Variants in AGO2 observed in about 807,000 individuals in gnomAD.
AGO2 encodes protein argonaute-2.
A neutral mutation model predicts 102.3 loss-of-function variants in AGO2; 5 were observed. The observed-to-expected ratio is 0.05, with a 90% CI of 0.03 to 0.10. AGO2 has a LOEUF of 0.10. Ranked by LOEUF, AGO2 falls within the 10% of genes least tolerant of loss-of-function variation. The pLI, the probability that AGO2 is intolerant of heterozygous loss-of-function variation, is 1.00. For missense variants in AGO2, 541 were observed against 1,183.7 expected, an observed-to-expected ratio of 0.46 and a Z score of 7.97; for synonymous variants, 449 against 473.1, an observed-to-expected ratio of 0.95 and a Z score of 0.66.
At chr8:140,573,655 G>A (rs1481976011) in intron 2 of AGO2, among the ~76,000 whole-genome samples, 1 of 152,220 alleles carries the variant, frequency 6.6e-6, no homozygotes, top group Non-Finnish European at 1.5e-5. Context: ...TACAGCAGAT[G>A]ACAGACACTT....
intron 1 of AGO2, among the ~76,000 whole-genome samples, chr8:140,603,983 G>A (rs552653452): frequency 6.6e-6 from 1 of 152,230 alleles, no homozygotes; most frequent in Non-Finnish European, 1.5e-5. Flanking sequence ...CCCTCAGGGT[G>A]AAGGAGCTGC....
chr8:140,584,384 G>A (rs925068666), intron 2 of AGO2, among the ~76,000 whole-genome samples: 82 of 152,246 alleles, frequency 5.4e-4, no homozygotes, highest in African/African-American at 1.9e-3. Flanking sequence ...CGGAGCTGAC[G>A]GGAGGAAAAC....
At chr8:140,625,675 G>A (rs1388750493) in intron 1 of AGO2, among the ~76,000 whole-genome samples, 4 of 152,106 alleles carry the variant, frequency 2.6e-5, no homozygotes, top group Admixed American at 6.5e-5. Context: ...CAGAGTTCCC[G>A]CCGACTCTAC....
At chr8:140,595,995 A>AAT (rs1198811001) in intron 1 of AGO2, among the ~76,000 whole-genome samples, 1 of 130,264 alleles carries the variant, frequency 7.7e-6, no homozygotes, top group Non-Finnish European at 1.6e-5. Context: ...TATATATATT[A>AAT]TATATATATA....
At chr8:140,636,293 A>T (rs1330596233), upstream of AGO2, 2 of 152,182 alleles carry the variant, frequency 1.3e-5, no homozygotes, top group South Asian at 2.1e-4. Context: ...TTTTTAGTAA[A>T]CTGTAGCTGG....
rs1444499239 is a variant in AGO2, at chr8:140,527,814, G to C, written c.*4230C>G. The C allele has an allele frequency of 6.6e-6, 1 of 152,272 alleles. No individual in the cohort carries two copies. The highest frequency in any genetic ancestry group is 1.5e-5 in the Non-Finnish European group (1 of 68,076). 9.4% of individuals were successfully genotyped at this position (152,272 alleles called of 1,614,324 possible). On this transcript the variant is annotated 3_prime_UTR_variant, in exon 19 of 19. Transcript: ENST00000220592. The surrounding 1 kb of genome is among the most constrained non-coding windows in gnomAD (Gnocchi z 6.0). Reference sequence around the variant, plus strand: ...GTCTGGGCCACTGGGATTGTCCACTGTCTGGATTATGTCGACTTCTAAAGC... The same window carrying C: ...GTCTGGGCCACTGGGATTGTCCACTCTCTGGATTATGTCGACTTCTAAAGC...
chr8:140,617,678 G>A (rs2074157972), intron 1 of AGO2, among the ~76,000 whole-genome samples: 1 of 152,198 alleles, frequency 6.6e-6, no homozygotes, highest in South Asian at 2.1e-4. Context: ...TGTCCCACAG[G>A]AGCCCACCCT....
At chr8:140,550,719 C>T (rs1173748892) in intron 11 of AGO2, among the ~76,000 whole-genome samples, 1 of 152,118 alleles carries the variant, frequency 6.6e-6, no homozygotes, top group Non-Finnish European at 1.5e-5. Flanking sequence ...CGGGTTCAAG[C>T]GATTCTCCAG....
intron 1 of AGO2, among the ~76,000 whole-genome samples, chr8:140,595,727 A>G (rs1808216025): frequency 1.5e-5 from 2 of 130,122 alleles, no homozygotes; most frequent in Non-Finnish European, 3.2e-5. Flanking sequence ...ATTATATAAT[A>G]TGTAAATGTT....
chr8:140,613,713 A>G (rs1736807181), intron 1 of AGO2, among the ~76,000 whole-genome samples: 1 of 152,130 alleles, frequency 6.6e-6, no homozygotes, highest in African/African-American at 2.4e-5. Context: ...TCTGGTTTCT[A>G]TCACACTATA....
intron 17 of AGO2, among the ~76,000 whole-genome samples, chr8:140,534,470 G>C (rs2072659839): frequency 6.6e-6 from 1 of 152,190 alleles, no homozygotes; most frequent in Non-Finnish European, 1.5e-5. Context: ...CTTTGCACCA[G>C]GAAGTGCCAC....
At chr8:140,613,660 G>A (rs537025209) in intron 1 of AGO2, among the ~76,000 whole-genome samples, 28 of 152,188 alleles carry the variant, frequency 1.8e-4, no homozygotes, top group African/African-American at 5.1e-4. Context: ...CAGAATCGGC[G>A]ACAAATGGAA....
At chr8:140,618,164 T>A (rs57816529) in intron 1 of AGO2, among the ~76,000 whole-genome samples, 2 of 151,550 alleles carry the variant, frequency 1.3e-5, no homozygotes, top group African/African-American at 4.9e-5. Context: ...CTACTAAAAA[T>A]AAAAAATTAG....
chr8:140,640,672 ACCATGC>A, the AGO2 span, among the ~76,000 whole-genome samples: 1 of 152,290 alleles, frequency 6.6e-6, no homozygotes, highest in East Asian at 1.9e-4. Flanking sequence ...GGCATGCGCC[ACCATGC>A]CCAGCTAATT....
At chr8:140,602,644 C>G (rs574964386) in intron 1 of AGO2, among the ~76,000 whole-genome samples, 1 of 152,170 alleles carries the variant, frequency 6.6e-6, no homozygotes, top group Admixed American at 6.5e-5. Flanking sequence ...TTTAATTCCC[C>G]GCACTTGGAA....
At chr8:140,566,846 C>A (rs1298831713) in intron 3 of AGO2, among the ~76,000 whole-genome samples, 1 of 152,184 alleles carries the variant, frequency 6.6e-6, no homozygotes, top group Non-Finnish European at 1.5e-5. Context: ...ACAGGAGTAG[C>A]CGGTCGCTGA....
In AGO2 at chr8:140,525,907, T is replaced by A. The variant is rs1390348335; in HGVS notation, c.*6137A>T. ...TGTTCAGAGCCTCCCAGGACCGACT[T>A]CCTGCAAGTCTGCATCAGACGGTCC... On this transcript the variant is annotated 3_prime_UTR_variant, in exon 19 of 19. Transcript: ENST00000220592. 2 of 152,070 alleles carry A rather than the reference T, an allele frequency of 1.3e-5. No individual in the cohort carries two copies. Among genetic ancestry groups the A allele is most frequent in the Non-Finnish European group, 1.5e-5 (1 of 68,028 alleles). 9.4% of individuals were successfully genotyped at this position (152,070 alleles called of 1,614,324 possible). A position where few individuals can be genotyped will look rare whatever the true frequency, so the allele number is the denominator to read the frequency against.
chr8:140,593,779 T>A (rs1290054705), intron 1 of AGO2, among the ~76,000 whole-genome samples: 1 of 152,004 alleles, frequency 6.6e-6, no homozygotes, highest in East Asian at 1.9e-4. Flanking sequence ...AGGATCCCCA[T>A]CCTACAGATG....
chr8:140,611,148 C>T (rs953860566), intron 1 of AGO2, among the ~76,000 whole-genome samples: 1 of 152,142 alleles, frequency 6.6e-6, no homozygotes, highest in African/African-American at 2.4e-5. Context: ...GCTCCGGTGG[C>T]TAAGGTGAAA....
Sources: allele counts gnomAD v4.1 joint callset (sites outside exome capture counted in the v4.1 genomes callset), GRCh38; gene constraint gnomAD v4.1.1; non-coding constraint Gnocchi (gnomAD v3.1); transcripts MANE v1.5; gene names NCBI Gene and HGNC (gene_info 2026-07-23, HGNC 2026-07-21).